Variants in LRRN1 observed in about 807,000 individuals in gnomAD.
LRRN1 encodes leucine rich repeat neuronal 1.
A neutral mutation model predicts 45.8 loss-of-function variants in LRRN1; 14 were observed. That is an observed-to-expected ratio of 0.31 (90% CI 0.20 to 0.48). LRRN1 has a LOEUF of 0.48. LRRN1 is among the 20% of genes least tolerant of loss of function. The pLI is 0.99. For missense variants in LRRN1, 789 were observed against 874.2 expected (o/e 0.90, Z 1.23); for synonymous variants, 359 against 330.1 (o/e 1.09, Z -0.95).
At chr3:3,837,923 C>G (rs1693559080) in intron 1 of LRRN1, among the ~76,000 whole-genome samples, 1 of 152,018 alleles carries the variant, frequency 6.6e-6, no homozygotes, top group South Asian at 2.1e-4. Context: ...GTGTCGTTCC[C>G]CTCCCTGTGT....
At chr3:3,837,076 C>G (rs74747574) in intron 1 of LRRN1, among the ~76,000 whole-genome samples, 4,153 of 152,186 alleles carry the variant, frequency 0.027, 209 homozygotes, top group African/African-American at 0.096. Flanking sequence ...ACCTCACTTT[C>G]CTTTCACTTT....
chr3:3,806,768 T>C (rs1412879048), intron 1 of LRRN1, among the ~76,000 whole-genome samples: 2 of 152,214 alleles, frequency 1.3e-5, no homozygotes, highest in African/African-American at 2.4e-5. Flanking sequence ...CCAAATGTGA[T>C]TGTTCTTTCT....
chr3:3,847,926 T>TAC lies in LRRN1; in HGVS notation c.*1137_*1138dup, dbSNP rs776794087. Among the ~76,000 whole-genome samples the TAC allele has an allele frequency of 1.8e-4, 28 of 152,180 alleles. No homozygotes were observed. The highest frequency in any genetic ancestry group is 3.4e-4 in the Non-Finnish European group (23 of 67,988). ...GCATAAATAAAGGTAAATATATATA[T>TAC]ACACCAATATATTCATATATACTCA... On this transcript the variant is annotated 3_prime_UTR_variant, in exon 2 of 2. Transcript: ENST00000319331.
rs531842228 is a variant in LRRN1, at chr3:3,816,634, A to G, written c.-279+16715A>G. 5.9e-5 allele frequency among the ~76,000 whole-genome samples: 9 copies of G among 152,308 alleles called. No individual in the cohort carries two copies. The South Asian group carries it at 1.9e-3, about 32-fold the overall frequency. ...AACCACCCTTATTAAAGGCAAAAAT[A>G]TAGGTATTACAATTTGAAACTATAA... is the stretch of plus-strand genomic sequence containing the variant. On this transcript the variant is annotated intron_variant, in intron 1 of 1. Transcript: ENST00000319331. The surrounding 1 kb of genome is among the most constrained non-coding windows in gnomAD (Gnocchi z 4.0).
chr3:3,847,174 C>A lies in LRRN1; in HGVS notation c.*382C>A, dbSNP rs557522794. ...TAGCATGACCCCTTCTGAAGCCATC[C>A]GTAGAAAGTACTTTGTCCTCCAAAA... is the stretch of plus-strand genomic sequence containing the variant. On this transcript the variant is annotated 3_prime_UTR_variant, in exon 2 of 2. Coordinates refer to ENST00000319331, the MANE Select transcript of LRRN1 (RefSeq NM_020873.7). 1.8e-5 allele frequency: 3 copies of A among 169,982 alleles called. No individual in the cohort carries two copies. The highest frequency in any genetic ancestry group is 4.3e-5 in the Non-Finnish European group (3 of 70,234). 10.5% of individuals were successfully genotyped at this position (169,982 alleles called of 1,614,324 possible).
At chr3:3,828,806 A>G (rs1408397965) in intron 1 of LRRN1, among the ~76,000 whole-genome samples, 2 of 152,208 alleles carry the variant, frequency 1.3e-5, no homozygotes, top group Non-Finnish European at 2.9e-5. Context: ...AGGTATATAC[A>G]GGCACAAACG....
intron 1 of LRRN1, among the ~76,000 whole-genome samples, chr3:3,844,098 G>A (rs577002738): frequency 1.3e-5 from 2 of 152,134 alleles, no homozygotes; most frequent in African/African-American, 4.8e-5. Context: ...ACATACAAAT[G>A]TACACAGTCA....
At chr3:3,806,252 T>A (rs2106450324) in intron 1 of LRRN1, among the ~76,000 whole-genome samples, 1 of 152,122 alleles carries the variant, frequency 6.6e-6, no homozygotes, top group Non-Finnish European at 1.5e-5. Flanking sequence ...CTAGTCGGGG[T>A]TACAGAAAGG....
At position 3,836,360 on chromosome 3, in the gene LRRN1, C is replaced by T. The variant is rs553591487; in HGVS notation, c.-278-8004C>T. Among the ~76,000 whole-genome samples, 13 of 152,312 alleles carry T rather than the reference C, an allele frequency of 8.5e-5. No individual in the cohort carries two copies. The East Asian group carries it at 1.5e-3, about 18-fold the overall frequency. On this transcript the variant is annotated intron_variant, in intron 1 of 1. Transcript: ENST00000319331. ...ATTAAACACTAATTCCCTCTACCTC[C>T]AAGCCCTTGGCAACCACCTTTCTAC...
intron 1 of LRRN1, among the ~76,000 whole-genome samples, chr3:3,834,273 C>G (rs952640156): frequency 1.3e-5 from 2 of 151,880 alleles, no homozygotes; most frequent in African/African-American, 4.8e-5. Flanking sequence ...TTGCCTCTTA[C>G]AAGCAGTGAA....
chr3:3,801,701 C>A (rs1692656309), intron 1 of LRRN1, among the ~76,000 whole-genome samples: 1 of 152,192 alleles, frequency 6.6e-6, no homozygotes, highest in African/African-American at 2.4e-5. Flanking sequence ...GGTTTGCTGA[C>A]ACCTTTATTC....
At chr3:3,832,552 C>T (rs187605899) in intron 1 of LRRN1, among the ~76,000 whole-genome samples, 1 of 152,200 alleles carries the variant, frequency 6.6e-6, no homozygotes, top group East Asian at 1.9e-4. Context: ...TCCAGTAGTC[C>T]CCAAAATGTC....
chr3:3,837,341 C>A (rs1487375268), intron 1 of LRRN1, among the ~76,000 whole-genome samples: 5 of 147,554 alleles, frequency 3.4e-5, no homozygotes, highest in Non-Finnish European at 6.0e-5. Flanking sequence ...TTCCCCCCCC[C>A]ATTTTATAAC....
chr3:3,807,844 G>T (rs796646308), intron 1 of LRRN1, among the ~76,000 whole-genome samples: 8 of 152,302 alleles, frequency 5.3e-5, no homozygotes, highest in African/African-American at 1.9e-4. Flanking sequence ...GTTCTGTGCA[G>T]TGAGGACTAC....
rs1190051108 is a variant in LRRN1 at position 3,845,837 on chromosome 3, G to A, written c.1196G>A (p.Cys399Tyr). 1 of 1,614,102 alleles carries A rather than the reference G, an allele frequency of 6.2e-7. No homozygotes were observed. Among genetic ancestry groups the A allele is most frequent in the African/African-American group, 1.3e-5 (1 of 75,026 alleles). Residue 399 changes from cysteine to tyrosine, a missense_variant, in exon 2 of 2, where the codon TGT becomes TAT. Coordinates refer to ENST00000319331, the MANE Select transcript of LRRN1 (RefSeq NM_020873.7). The surrounding 1 kb of genome is among the most constrained non-coding windows in gnomAD (Gnocchi z 6.5). ...IRFMEPLSMF[C>Y]AMPPEYKGHQ... Reference sequence around the variant, plus strand: ...TTCATGGAGCCCCTGTCCATGTTCTGTGCCATGCCGCCCGAATATAAAGGG... The same window carrying A: ...TTCATGGAGCCCCTGTCCATGTTCTATGCCATGCCGCCCGAATATAAAGGG...
At chr3:3,805,268 T>C (rs1375771148) in intron 1 of LRRN1, among the ~76,000 whole-genome samples, 1 of 152,248 alleles carries the variant, frequency 6.6e-6, no homozygotes, top group East Asian at 1.9e-4. Context: ...GAAAGGTGGC[T>C]TAATTGGTTT....
chr3:3,808,646 C>T (rs1692814891), intron 1 of LRRN1, among the ~76,000 whole-genome samples: 1 of 152,144 alleles, frequency 6.6e-6, no homozygotes, highest in African/African-American at 2.4e-5. Flanking sequence ...TGACTCTAAA[C>T]CTGTACTGTT....
At chr3:3,837,649 G>GC (rs1460909933) in intron 1 of LRRN1, among the ~76,000 whole-genome samples, 1 of 152,100 alleles carries the variant, frequency 6.6e-6, no homozygotes, top group Non-Finnish European at 1.5e-5. Context: ...ATGGACAGCA[G>GC]CAGGGTTCTG....
At chr3:3,810,549 G>C (rs1266288017) in intron 1 of LRRN1, among the ~76,000 whole-genome samples, 1 of 152,130 alleles carries the variant, frequency 6.6e-6, no homozygotes, top group African/African-American at 2.4e-5. Context: ...GCAAGAGAAA[G>C]TCACCAGGTA....
Sources: gnomAD v4.1 joint callset for allele counts (sites outside exome capture counted in the v4.1 genomes callset) on GRCh38, gnomAD v4.1.1 for gene constraint, Gnocchi (gnomAD v3.1) non-coding constraint, MANE v1.5 for transcripts, NCBI Gene and HGNC (gene_info 2026-07-23, HGNC 2026-07-21) for gene names.